Variants in USHBP1 observed in about 807,000 individuals in gnomAD.
USHBP1 encodes the protein USH1 protein network component harmonin binding protein 1.
In USHBP1, 67 loss-of-function variants were observed where a neutral mutation model predicts 76.2. The observed-to-expected ratio is 0.88, with a 90% CI of 0.72 to 1.08. USHBP1 has a LOEUF of 1.08. Among genes scored for constraint, USHBP1 ranks in the 50% least tolerant of loss-of-function variants. The probability of loss-of-function intolerance (pLI) is 0.00; values close to 1 mark genes in which losing one functional copy is unlikely to be tolerated. For missense variants in USHBP1, 931 were observed against 915.0 expected, an observed-to-expected ratio of 1.02 and a Z score of -0.23; for synonymous variants, 322 against 362.2, an observed-to-expected ratio of 0.89 and a Z score of 1.26.
At chr19:17,250,479 AC>A in intron 12 of USHBP1, 65 bp from the exon 13 acceptor site, 1 of 1,537,402 alleles carries the variant, frequency 6.5e-7, no homozygotes, top group Non-Finnish European at 8.7e-7. Context: ...AGGGCCGTGT[AC>A]TCCCACTCCC....
At position 17,251,644 on chromosome 19, in the gene USHBP1, C is replaced by G. The variant is rs2073553212; in HGVS notation, c.1860G>C (p.Gln620His). 4.3e-6 allele frequency: 7 copies of G among 1,613,890 alleles called. No individual in the cohort carries two copies. The East Asian group carries it at 1.6e-4, about 36-fold the overall frequency. Residue 620 changes from glutamine to histidine, a missense_variant, in exon 12 of 13, where the codon CAG becomes CAC. Physicochemically the swap from Gln to His is conservative, Grantham distance 24 (BLOSUM62 0). Coordinates refer to ENST00000252597, the MANE Select transcript of USHBP1 (RefSeq NM_031941.4). ...SLRRELEQVA[Q>H]KGRARRSQSA... Reference sequence around the variant, plus strand: ...TCTGAGACCGTCTGGCTCGCCCCTTCTGAGCCACCTGTTCCAGCTCCCTGC... The same window carrying G: ...TCTGAGACCGTCTGGCTCGCCCCTTGTGAGCCACCTGTTCCAGCTCCCTGC...
chr19:17,255,276 G>A (rs2073603630), intron 10 of USHBP1, 109 bp downstream of exon 10: 8 of 1,251,238 alleles, frequency 6.4e-6, no homozygotes, highest in Non-Finnish European at 8.8e-6. Flanking sequence ...TGGGCAACAA[G>A]AGCCAAACTC....
chr19:17,253,244 A>G (rs1353396131), intron 10 of USHBP1, among the ~76,000 whole-genome samples: 1 of 151,274 alleles, frequency 6.6e-6, no homozygotes, highest in Non-Finnish European at 1.5e-5. Flanking sequence ...CTAAGATTAC[A>G]GGCTGGGATT....
intron 6 of USHBP1, 23 bp downstream of exon 6, chr19:17,259,573 A>C (rs750968613): frequency 2.2e-5 from 35 of 1,604,772 alleles, no homozygotes; most frequent in Non-Finnish European, 2.9e-5. Flanking sequence ...TGCCCTTATG[A>C]GCTCAGCATT....
intron 4 of USHBP1, 31 bp from the exon 5 acceptor site, chr19:17,260,053 G>C: frequency 6.2e-7 from 1 of 1,600,552 alleles, no homozygotes; most frequent in Non-Finnish European, 8.5e-7. Flanking sequence ...GTCAGGCCTA[G>C]GGGCTCAAAC....
rs772693210 is a variant in USHBP1 at position 17,256,588 on chromosome 19, G to T, written c.1353C>A (p.Pro451=). 12 of 1,614,088 alleles carry T rather than the reference G, an allele frequency of 7.4e-6. No homozygotes were observed. Among genetic ancestry groups the T allele is most frequent in the Non-Finnish European group, 1.0e-5 (12 of 1,180,044 alleles). Residue 451 remains proline, a synonymous_variant, in exon 9 of 13, where the codon CCC becomes CCA. Coordinates refer to ENST00000252597, the MANE Select transcript of USHBP1 (RefSeq NM_031941.4). ...ILSEPGPTLA[P]MPTVPRAEAM... Reference sequence around the variant, plus strand: ...CTTCTGCACGGGGCACAGTGGGCATGGGTGCCAAGGTGGGGCCAGGCTCTG... The same window carrying T: ...CTTCTGCACGGGGCACAGTGGGCATTGGTGCCAAGGTGGGGCCAGGCTCTG...
At chr19:17,257,682 T>G (rs1487638489) in intron 8 of USHBP1, among the ~76,000 whole-genome samples, 1 of 147,774 alleles carries the variant, frequency 6.8e-6, no homozygotes, top group African/African-American at 2.5e-5. Flanking sequence ...GGTCTCACTC[T>G]GTCACCCAGG....
chr19:17,264,106 T>A lies in USHBP1; in HGVS notation c.99A>T (p.Ala33=). 15 of 1,614,120 alleles carry A rather than the reference T, an allele frequency of 9.3e-6. No individual in the cohort carries two copies. Among genetic ancestry groups the A allele is most frequent in the Non-Finnish European group, 1.3e-5 (15 of 1,179,988 alleles). The part of the protein sequence containing the change: ...PVAESSEEVE[A]ASGSSKPSFA... The stretch of plus-strand genomic sequence containing the variant: ...AGCTGGGCTTGGAGCTCCCACTGGC[T>A]GCCTCGACCTCCTCTGAACTCTCAG... The change falls in exon 3 of 13, where the codon GCA becomes GCT. Residue 33 remains alanine (A), a synonymous_variant. Transcript: ENST00000252597.
intron 12 of USHBP1, among the ~76,000 whole-genome samples, chr19:17,250,738 G>A (rs2073540504): frequency 6.6e-6 from 1 of 150,798 alleles, no homozygotes; most frequent in Admixed American, 6.6e-5. Flanking sequence ...TTTTTTAATA[G>A]AGACAGGGTT....
intron 4 of USHBP1, among the ~76,000 whole-genome samples, chr19:17,260,442 G>T (rs1032903030): frequency 6.6e-6 from 1 of 152,154 alleles, no homozygotes. Flanking sequence ...TGATTCTCCT[G>T]CTTCAGCCTC....
chr19:17,264,348 CT>C lies in USHBP1; in HGVS notation c.-48-2del, dbSNP rs769164800. On this transcript the variant is annotated splice_acceptor_variant, in intron 1 of 12. Coordinates refer to ENST00000252597, the MANE Select transcript of USHBP1 (RefSeq NM_031941.4). LOFTEE classifies it low-confidence loss of function (5UTR_SPLICE). ...CTGAATGCTTCTCCTTCGTCAACCC[CT>C]AAAACCACAGCCTGCCATGAGCTCT... 1.9e-5 allele frequency: 30 copies of C among 1,558,844 alleles called. No individual in the cohort carries two copies. The highest frequency in any genetic ancestry group is 2.6e-5 in the Non-Finnish European group (30 of 1,152,434).
chr19:17,253,884 A>T (rs1452726511), intron 10 of USHBP1, among the ~76,000 whole-genome samples: 2 of 144,166 alleles, frequency 1.4e-5, no homozygotes, highest in Non-Finnish European at 3.0e-5. Context: ...ACAGAGCAAG[A>T]TCCGTTTCCC....
Position 17,251,681 on chromosome 19 carries a change from A to T in USHBP1, c.1823T>A (p.Leu608Gln), listed in dbSNP as rs1568322045. The T allele has an allele frequency of 6.2e-7, 1 of 1,613,616 alleles. No individual in the cohort carries two copies. Among genetic ancestry groups the T allele is most frequent in the Non-Finnish European group, 8.5e-7 (1 of 1,180,004 alleles). ...TTCCAGCTCCCTGCGCAGAGACTGC[A>T]GCTGCTCCTGCAGGTCCAGTGTCCT... ...LTRTLDLQEQ[L>Q]QSLRRELEQV... Residue 608 changes from leucine (L) to glutamine (Q), a missense_variant, in exon 12 of 13, where the codon CTG (leucine) becomes CAG (glutamine). Coordinates refer to ENST00000252597, the MANE Select transcript of USHBP1 (RefSeq NM_031941.4).
chr19:17,252,289 A>G (rs1459175315), intron 10 of USHBP1, among the ~76,000 whole-genome samples: 1 of 152,070 alleles, frequency 6.6e-6, no homozygotes, highest in African/African-American at 2.4e-5. Flanking sequence ...TCCGCCTCCC[A>G]GGTTCAAGCG....
intron 4 of USHBP1, among the ~76,000 whole-genome samples, chr19:17,260,422 C>T (rs776127678): frequency 2.0e-5 from 3 of 152,274 alleles, no homozygotes; most frequent in Non-Finnish European, 2.9e-5. Context: ...CTCTGCCTCC[C>T]GGATTCAAGT....
intron 7 of USHBP1, 78 bp downstream of exon 7, chr19:17,259,211 G>A: frequency 6.6e-7 from 1 of 1,519,154 alleles, no homozygotes; most frequent in Middle Eastern, 2.1e-4. Flanking sequence ...TCTCCAGTGA[G>A]GGTTCTGTGG....
intron 8 of USHBP1, 122 bp downstream of exon 8, chr19:17,258,090 A>G: frequency 7.2e-7 from 1 of 1,396,840 alleles, no homozygotes; most frequent in South Asian, 1.2e-5. Flanking sequence ...AGTGAGCTCC[A>G]TACCGACCTT....
intron 1 of USHBP1, 65 bp from the exon 2 acceptor site, chr19:17,264,412 C>T: frequency 7.7e-7 from 1 of 1,295,512 alleles, no homozygotes; most frequent in Non-Finnish European, 1.0e-6. Context: ...ACCTCAATTT[C>T]CTCTGCTGTG....
At chr19:17,258,437 A>G in intron 7 of USHBP1, 52 bp from the exon 8 acceptor site, 1 of 1,577,442 alleles carries the variant, frequency 6.3e-7, no homozygotes, top group African/African-American at 1.3e-5. Flanking sequence ...GGCTGGGTGC[A>G]ATGGCCCTCA....
Sources: gnomAD v4.1 joint callset for allele counts (sites outside exome capture counted in the v4.1 genomes callset) on GRCh38, gnomAD v4.1.1 for gene constraint, MANE v1.5 for transcripts, NCBI Gene and HGNC (gene_info 2026-07-23, HGNC 2026-07-21) for gene names.